SNTG2: variants seen among roughly 807,000 people sequenced by gnomAD.
SNTG2 encodes the protein syntrophin gamma 2, also known as gamma-2-syntrophin.
SNTG2 carries 74 observed loss-of-function variants against 70.9 expected under a neutral mutation model. The observed-to-expected ratio is 1.04, with a 90% CI of 0.86 to 1.27. The LOEUF (loss-of-function observed/expected upper bound fraction) is 1.27. Ranked by LOEUF, SNTG2 falls within the 50% of genes most tolerant of loss-of-function variation. The probability of loss-of-function intolerance (pLI) is 0.00; values close to 1 mark genes in which losing one functional copy is unlikely to be tolerated. For synonymous variants in SNTG2, 278 were observed against 273.8 expected (o/e 1.02, Z -0.15); for missense variants, 717 against 690.7 (o/e 1.04, Z -0.43).
At chr2:1,333,080 A>T (rs1374005606) in intron 16 of SNTG2, among the ~76,000 whole-genome samples, 1 of 152,240 alleles carries the variant, frequency 6.6e-6, no homozygotes, top group East Asian at 1.9e-4. Context: ...AAGCTCCTAG[A>T]TCTGATAAAT....
intron 4 of SNTG2, among the ~76,000 whole-genome samples, chr2:1,109,474 T>C (rs1236354799): frequency 1.3e-5 from 2 of 152,174 alleles, no homozygotes; most frequent in African/African-American, 2.4e-5. Context: ...TCCTTTTTCA[T>C]TGGATCTTCA....
chr2:1,339,624 A>G (rs1028026753), intron 16 of SNTG2, among the ~76,000 whole-genome samples: 1 of 152,190 alleles, frequency 6.6e-6, no homozygotes, highest in Non-Finnish European at 1.5e-5. Context: ...GTCACATCTC[A>G]TCAGTAAAAA....
intron 16 of SNTG2, among the ~76,000 whole-genome samples, chr2:1,359,148 A>G (rs1661009368): frequency 6.6e-6 from 1 of 152,170 alleles, no homozygotes; most frequent in Non-Finnish European, 1.5e-5. Flanking sequence ...TATTTGTTTC[A>G]TATATACCAA....
chr2:968,869 TTTAA>T (rs1660650360), intron 1 of SNTG2, among the ~76,000 whole-genome samples: 1 of 152,220 alleles, frequency 6.6e-6, no homozygotes, highest in African/African-American at 2.4e-5. Flanking sequence ...AACTCTTTAG[TTTAA>T]TTAGGTCCTA....
intron 1 of SNTG2, among the ~76,000 whole-genome samples, chr2:1,050,788 C>A (rs555244000): frequency 6.6e-6 from 1 of 152,260 alleles, no homozygotes; most frequent in Admixed American, 6.5e-5. Context: ...GAAAATAATT[C>A]ATCAAATCCA....
chr2:1,357,990 A>C (rs372776530), intron 16 of SNTG2, among the ~76,000 whole-genome samples: 2 of 152,110 alleles, frequency 1.3e-5, no homozygotes, highest in Admixed American at 1.3e-4. Flanking sequence ...GGACTCTGTG[A>C]AATCAAAGAT....
At chr2:1,211,805 T>G (rs536797595) in intron 9 of SNTG2, among the ~76,000 whole-genome samples, 2 of 152,260 alleles carry the variant, frequency 1.3e-5, no homozygotes, top group Admixed American at 1.3e-4. Flanking sequence ...CAATTCAAGA[T>G]GAGATTTGGG....
At chr2:1,234,081 C>T (rs146691506) in intron 9 of SNTG2, among the ~76,000 whole-genome samples, 1,774 of 152,142 alleles carry the variant, frequency 0.012, 10 homozygotes, top group Non-Finnish European at 0.016. Flanking sequence ...AAGGCCTGAG[C>T]GGCCACCATG....
At chr2:1,191,192 C>T (rs1487316855) in intron 8 of SNTG2, among the ~76,000 whole-genome samples, 1 of 152,168 alleles carries the variant, frequency 6.6e-6, no homozygotes, top group Non-Finnish European at 1.5e-5. Flanking sequence ...TGCAATTTCT[C>T]CCTTATCATA....
intron 1 of SNTG2, among the ~76,000 whole-genome samples, chr2:997,664 T>C (rs962646619): frequency 6.6e-6 from 1 of 152,180 alleles, no homozygotes; most frequent in African/African-American, 2.4e-5. Flanking sequence ...CTACATAGTG[T>C]GGTCTGGCAG....
chr2:956,249 G>A (rs912892985), intron 1 of SNTG2, among the ~76,000 whole-genome samples: 68 of 56,884 alleles, frequency 1.2e-3, no homozygotes, highest in African/African-American at 2.7e-3. Flanking sequence ...GCCCCGCCCC[G>A]CCCCTGCGCC....
At chr2:1,162,675 C>T (rs576399034) in intron 6 of SNTG2, among the ~76,000 whole-genome samples, 5 of 152,064 alleles carry the variant, frequency 3.3e-5, no homozygotes, top group Admixed American at 6.5e-5. Context: ...AGGGTGTCGT[C>T]GCCGTCATGA....
chr2:1,222,028 C>CCTCTCT (rs1370967183), intron 9 of SNTG2, among the ~76,000 whole-genome samples: 1 of 1,392 alleles, frequency 7.2e-4, no homozygotes, highest in Admixed American at 0.01. Flanking sequence ...TCTGTCTCTG[C>CCTCTCT]CTATCTCTGT....
chr2:1,351,628 T>C (rs2148306708), intron 16 of SNTG2, among the ~76,000 whole-genome samples: 1 of 152,296 alleles, frequency 6.6e-6, no homozygotes, highest in African/African-American at 2.4e-5. Context: ...TCTGTTGTCA[T>C]CTACCCACTC....
intron 4 of SNTG2, among the ~76,000 whole-genome samples, chr2:1,136,548 G>T (rs779045585): frequency 6.6e-6 from 1 of 152,144 alleles, no homozygotes; most frequent in Non-Finnish European, 1.5e-5. Flanking sequence ...GTTTCAACAT[G>T]ATTTAATATT....
At chr2:1,054,439 G>A (rs1662264635) in intron 1 of SNTG2, among the ~76,000 whole-genome samples, 1 of 152,206 alleles carries the variant, frequency 6.6e-6, no homozygotes, top group Non-Finnish European at 1.5e-5. Flanking sequence ...GGGATTTTCA[G>A]TATGGCTCTC....
At chr2:1,121,534 T>A (rs1025770506) in intron 4 of SNTG2, among the ~76,000 whole-genome samples, 2 of 152,040 alleles carry the variant, frequency 1.3e-5, no homozygotes, top group Non-Finnish European at 2.9e-5. Flanking sequence ...AAGAACTGTC[T>A]GAGACTGGGT....
intron 12 of SNTG2, among the ~76,000 whole-genome samples, chr2:1,254,199 A>C (rs1293695251): frequency 6.6e-6 from 1 of 152,220 alleles, no homozygotes; most frequent in East Asian, 1.9e-4. Context: ...TCCGTGTTTC[A>C]CAGCTCAGTT....
intron 1 of SNTG2, among the ~76,000 whole-genome samples, chr2:1,031,528 A>ATATATTTTT: frequency 1.7e-5 from 1 of 59,122 alleles, no homozygotes; most frequent in African/African-American, 8.3e-5. Flanking sequence ...ATATATATAT[A>ATATATTTTT]TTTTTTTTTT....
Sources: allele counts gnomAD v4.1 joint callset (sites outside exome capture counted in the v4.1 genomes callset), GRCh38; gene constraint gnomAD v4.1.1; transcripts MANE v1.5; gene names NCBI Gene and HGNC (gene_info 2026-07-23, HGNC 2026-07-21).